The following MPDZ variants were observed in gnomAD, a reference collection of about 807,000 sequenced individuals.
The protein encoded by MPDZ is multiple PDZ domain protein.
In MPDZ, 234 loss-of-function variants were observed where a neutral mutation model predicts 239.1. That is an observed-to-expected ratio of 0.98 (90% CI 0.88 to 1.09). The LOEUF is 1.09. MPDZ is among the 50% of genes least tolerant of loss of function. The pLI is 0.00. For synonymous variants in MPDZ, 1,048 were observed against 881.3 expected, an observed-to-expected ratio of 1.19 and a Z score of -3.35; for missense variants, 3,175 against 2,510.0, an observed-to-expected ratio of 1.26 and a Z score of -5.66.
intron 24 of MPDZ, among the ~76,000 whole-genome samples, chr9:13,153,853 A>G (rs1949502705): frequency 6.6e-6 from 1 of 152,182 alleles, no homozygotes; most frequent in Non-Finnish European, 1.5e-5. Flanking sequence ...AATGTCTCCA[A>G]GGGCTCTTTA....
In MPDZ at chr9:13,205,058, G is replaced by A. The variant is rs1438508643; in HGVS notation, c.1524C>T (p.Asn508=). 18 of 1,463,972 alleles carry A rather than the reference G, an allele frequency of 1.2e-5. No homozygotes were observed. The highest frequency in any genetic ancestry group is 1.5e-5 in the Non-Finnish European group (17 of 1,110,678). The allele number at this position is 1,463,972 out of a possible 1,614,324, so 90.7% of individuals were successfully genotyped here. ...TACCTTCTTCTTCAGTTGGTAATAT[G>A]TTGGTGTTTCTCGTCGAAGATAAAA... is the stretch of plus-strand genomic sequence containing the variant. ...EDFLSSTRNT[N]ILPTEEEGYP... The change falls in exon 12 of 47, where the codon AAC becomes AAT. Residue 508 remains asparagine, a synonymous_variant. Coordinates refer to ENST00000319217, the MANE Select transcript of MPDZ (RefSeq NM_001378778.1).
At chr9:13,156,910 T>G (rs201748508) in intron 24 of MPDZ, among the ~76,000 whole-genome samples, 1 of 152,138 alleles carries the variant, frequency 6.6e-6, no homozygotes, top group Non-Finnish European at 1.5e-5. Context: ...CTGTTCTCAA[T>G]GTAGGCAGCA....
rs757464586 is a variant in MPDZ, at chr9:13,224,426, T to C, written c.341A>G (p.Asn114Ser). 17 of 1,612,814 alleles carry C rather than the reference T, an allele frequency of 1.1e-5. No individual in the cohort carries two copies. The highest frequency in any genetic ancestry group is 1.2e-5 in the Non-Finnish European group (14 of 1,179,272). Residue 114 changes from asparagine to serine, a missense_variant, in exon 4 of 47, where the codon AAT (asparagine) becomes AGT (serine). Coordinates refer to ENST00000319217, the MANE Select transcript of MPDZ (RefSeq NM_001378778.1). ...ALTGPGIPHI[N>S]GKPACDEFDQ... Reference sequence around the variant, plus strand: ...AAATTCATCACAAGCAGGTTTCCCATTAATGTGTGGAATACCAGGTCCTGT... The same window carrying C: ...AAATTCATCACAAGCAGGTTTCCCACTAATGTGTGGAATACCAGGTCCTGT...
At chr9:13,225,785 A>G (rs2136452019) in intron 3 of MPDZ, among the ~76,000 whole-genome samples, 1 of 152,150 alleles carries the variant, frequency 6.6e-6, no homozygotes, top group African/African-American at 2.4e-5. Context: ...GGATGAAATC[A>G]CCTAATGACA....
At chr9:13,163,481 T>G (rs187013857) in intron 22 of MPDZ, among the ~76,000 whole-genome samples, 1 of 152,184 alleles carries the variant, frequency 6.6e-6, no homozygotes, top group Non-Finnish European at 1.5e-5. Context: ...TGAATGCCTA[T>G]TATGCGGAAG....
intron 10 of MPDZ, among the ~76,000 whole-genome samples, chr9:13,215,798 C>A (rs1425983236): frequency 8.8e-6 from 1 of 113,758 alleles, no homozygotes; most frequent in Non-Finnish European, 1.7e-5. Context: ...GGCAAGATCT[C>A]ATTCTGCTGC....
At chr9:13,116,591 GA>G (rs1489182337) in intron 39 of MPDZ, among the ~76,000 whole-genome samples, 1 of 152,012 alleles carries the variant, frequency 6.6e-6, no homozygotes, top group Non-Finnish European at 1.5e-5. Context: ...AACTCTTCTT[GA>G]AACTATTTAT....
intron 1 of MPDZ, among the ~76,000 whole-genome samples, chr9:13,276,301 C>T (rs975157748): frequency 6.6e-6 from 1 of 152,172 alleles, no homozygotes; most frequent in African/African-American, 2.4e-5. Context: ...TTATTTACCT[C>T]CTTAGTCTTA....
chr9:13,236,657 C>G (rs972000199), intron 3 of MPDZ, among the ~76,000 whole-genome samples: 4 of 151,680 alleles, frequency 2.6e-5, no homozygotes, highest in Admixed American at 1.3e-4. Flanking sequence ...TGGGAATATA[C>G]TTAGGTAAAA....
In MPDZ at chr9:13,143,503, T is replaced by C; in HGVS notation, c.3803A>G (p.Asn1268Ser). 1.2e-6 allele frequency: 2 copies of C among 1,613,030 alleles called. No individual in the cohort carries two copies. The highest frequency in any genetic ancestry group is 1.1e-5 in the South Asian group (1 of 91,056). The change falls in exon 27 of 47, where the codon AAC (asparagine) becomes AGC (serine). Residue 1268 changes from asparagine (N) to serine (S), a missense_variant. Coordinates refer to ENST00000319217, the MANE Select transcript of MPDZ (RefSeq NM_001378778.1). The stretch of plus-strand genomic sequence containing the variant: ...GATTTGTAGAGAGTCAGCAAATGGG[T>C]TAGTGCTGCTGAAGTTGTACTTAGG... ...LYPKYNFSST[N>S]PFADSLQINA...
chr9:13,136,057 G>T, intron 31 of MPDZ, 35 bp downstream of exon 31: 1 of 1,362,324 alleles, frequency 7.3e-7, no homozygotes, highest in Non-Finnish European at 1.0e-6. Context: ...CATCAATCAA[G>T]TCTTCCCAGA....
chr9:13,188,432 C>A (rs192471410), intron 17 of MPDZ, among the ~76,000 whole-genome samples: 1 of 151,966 alleles, frequency 6.6e-6, no homozygotes, highest in Non-Finnish European at 1.5e-5. Context: ...GCAGGAGAAT[C>A]GCTTGAATCT....
intron 1 of MPDZ, among the ~76,000 whole-genome samples, chr9:13,263,299 C>G (rs1050639102): frequency 6.6e-6 from 1 of 151,496 alleles, no homozygotes; most frequent in South Asian, 2.1e-4. Context: ...AATAAGGCAG[C>G]CGATATGTGA....
At chr9:13,166,636 A>G (rs2133834498) in intron 22 of MPDZ, among the ~76,000 whole-genome samples, 1 of 152,204 alleles carries the variant, frequency 6.6e-6, no homozygotes, top group African/African-American at 2.4e-5. Flanking sequence ...TTTTTAAAAT[A>G]ATTTAAGATT....
At chr9:13,145,851 G>C (rs1948359998) in intron 26 of MPDZ, among the ~76,000 whole-genome samples, 1 of 151,886 alleles carries the variant, frequency 6.6e-6, no homozygotes, top group Admixed American at 6.6e-5. Context: ...AGTTTTTAAA[G>C]CAATATTGAG....
rs1563931148 is a variant in MPDZ, at chr9:13,160,864, ATATAT to A, written c.3359+1822_3359+1826del. Among the ~76,000 whole-genome samples, 8 of 127,738 alleles carry A rather than the reference ATATAT, an allele frequency of 6.3e-5. 1 individual carries two copies. Among genetic ancestry groups the A allele is most frequent in the African/African-American group, 1.7e-4 (6 of 34,310 alleles). The allele number at this position is 127,738 out of a possible 152,430, so 83.8% of individuals were successfully genotyped here. ...TATATATATATATATATATATATAT[ATATAT>A]AAAACAGGTACTTACATAGCTTTTA... On this transcript the variant is annotated intron_variant, in intron 23 of 46. Transcript: ENST00000319217.
intron 8 of MPDZ, 96 bp from the exon 9 acceptor site, chr9:13,217,390 A>T: frequency 1.3e-6 from 1 of 765,682 alleles, no homozygotes; most frequent in Non-Finnish European, 2.1e-6. Context: ...GATAAAATAA[A>T]GCCACAGGCC....
intron 36 of MPDZ, among the ~76,000 whole-genome samples, chr9:13,122,825 T>A (rs1476080384): frequency 1.3e-5 from 2 of 152,054 alleles, no homozygotes; most frequent in African/African-American, 4.8e-5. Flanking sequence ...CTCAAACTCC[T>A]CTTAAAATGG....
Position 13,219,577 on chromosome 9 carries a change from A to T in MPDZ, c.1068T>A (p.Thr356=), listed in dbSNP as rs760799203. ...TACTTACCCGCAACTCTGGTGTTGAAGTTGGGGATGAGGAGAGGGTGATGC... is the reference window on the plus strand; with the variant it reads ...TACTTACCCGCAACTCTGGTGTTGATGTTGGGGATGAGGAGAGGGTGATGC... The part of the protein sequence containing the change: ...ALGITLSSSP[T]STPELRVDAS... Residue 356 remains threonine (T), a synonymous_variant, in exon 8 of 47, where the codon ACT becomes ACA. Coordinates refer to ENST00000319217, the MANE Select transcript of MPDZ (RefSeq NM_001378778.1). 6.2e-7 allele frequency: 1 copy of T among 1,611,890 alleles called. No individual in the cohort carries two copies. Among genetic ancestry groups the T allele is most frequent in the Non-Finnish European group, 8.5e-7 (1 of 1,178,788 alleles).
Sources: gnomAD v4.1 joint callset for allele counts (sites outside exome capture counted in the v4.1 genomes callset) on GRCh38, gnomAD v4.1.1 for gene constraint, MANE v1.5 for transcripts, NCBI Gene and HGNC (gene_info 2026-07-23, HGNC 2026-07-21) for gene names.